Variants in EXOC3L4 observed in about 807,000 individuals in gnomAD.
EXOC3L4 encodes exocyst complex component 3 like 4, also known as exocyst complex component 3-like protein 4.
Under a neutral mutation model 69.7 loss-of-function variants are expected in EXOC3L4, and 62 were observed. The ratio of observed to expected loss-of-function variants is 0.89; its 90% confidence interval spans 0.72 to 1.10. The LOEUF is 1.10. Ranked by LOEUF, EXOC3L4 falls within the 50% of genes least tolerant of loss-of-function variation. The pLI, the probability that EXOC3L4 is intolerant of heterozygous loss-of-function variation, is 0.00. For missense variants in EXOC3L4, 1,087 were observed against 1,034.8 expected (o/e 1.05, Z -0.69); for synonymous variants, 502 against 464.2 (o/e 1.08, Z -1.05).
intron 7 of EXOC3L4, 89 bp from the exon 8 acceptor site, chr14:103,106,696 A>G: frequency 1.4e-6 from 1 of 740,210 alleles, no homozygotes; most frequent in Non-Finnish European, 2.2e-6. Context: ...TTCACATTGT[A>G]GTCTAAGTGA....
At chr14:103,099,218 C>T (rs1008481133) in intron 1 of EXOC3L4, among the ~76,000 whole-genome samples, 2 of 152,150 alleles carry the variant, frequency 1.3e-5, no homozygotes, top group African/African-American at 2.4e-5. Flanking sequence ...ACCCATGGCC[C>T]AGCTTGTGCA....
chr14:103,107,672 C>T lies in EXOC3L4; in HGVS notation c.1743C>T (p.Tyr581=). The change falls in exon 10 of 12, where the codon TAC becomes TAT. Residue 581 remains tyrosine, a synonymous_variant. Coordinates refer to ENST00000688303, the MANE Select transcript of EXOC3L4 (RefSeq NM_001077594.2). ...QEVHRFVVRE[Y]LARALRPRER... is the part of the protein sequence containing the mutation. ...TGCACCGGTTCGTGGTCCGCGAGTA[C>T]CTGGCGCGGGCGCTGAGGCCACGGG... 6.4e-7 allele frequency: 1 copy of T among 1,565,098 alleles called. No homozygotes were observed. Among genetic ancestry groups the T allele is most frequent in the Non-Finnish European group, 8.7e-7 (1 of 1,154,254 alleles).
In EXOC3L4 at chr14:103,107,157, C is replaced by T. The variant is rs111964101; in HGVS notation, c.1581+258C>T. Among the ~76,000 whole-genome samples, 6 of 152,300 alleles carry T rather than the reference C, an allele frequency of 3.9e-5. No homozygotes were observed. The East Asian group carries it at 7.7e-4, about 20-fold the overall frequency. ...GGGATGGTGGGTCCACGGATCCAGG[C>T]CCAGGGTCCTCACCCAGTCCCTCAA... On this transcript the variant is annotated intron_variant, in intron 8 of 11. Transcript: ENST00000688303.
chr14:103,094,495 C>G (rs146754013), upstream of EXOC3L4, among the ~76,000 whole-genome samples: 1 of 152,192 alleles, frequency 6.6e-6, no homozygotes, highest in Non-Finnish European at 1.5e-5. Context: ...CCTGCTGCCT[C>G]GAGACCCTGA....
Position 103,100,607 on chromosome 14 carries a change from G to C in EXOC3L4, c.388G>C (p.Glu130Gln). ...GGCAGCGTCTGAGGAACTGAAACCC[G>C]AGGCAGGTAAGGGCCTCAGAAACAA... ...TGAASEELKPEAEGKSVADLI... is the reference protein window; with the variant it reads ...TGAASEELKPQAEGKSVADLI... Residue 130 changes from glutamate (E) to glutamine (Q), a missense_variant, in exon 2 of 12, where the codon GAG (glutamate) becomes CAG (glutamine). Transcript: ENST00000688303. 1 of 1,601,924 alleles carries C rather than the reference G, an allele frequency of 6.2e-7. No homozygotes were observed.
In EXOC3L4 at chr14:103,107,870, T is replaced by G. The variant is rs1043056412; in HGVS notation, c.1854+87T>G. 7.0e-6 allele frequency: 10 copies of G among 1,430,526 alleles called. No homozygotes were observed. The Middle Eastern group carries it at 1.5e-3, about 219-fold the overall frequency. The allele number at this position is 1,430,526 out of a possible 1,614,324, so 88.6% of individuals were successfully genotyped here. On this transcript the variant is annotated intron_variant, in intron 10 of 11. Transcript: ENST00000688303. ...AGGGCCTTAGCGCCGGGAGGGCTTT[T>G]GGCAGGAGTGGTTCTCCCCACTCTG...
rs1595242454 is a variant in EXOC3L4, at chr14:103,102,570, G to A, written c.847G>A (p.Gly283Ser). Reference sequence around the variant, plus strand: ...TTTGGCCCAGCTTCTGGCCGAGCTGGGTGGCTTGGTTCGCCGCGACCTGCA... The same window carrying A: ...TTTGGCCCAGCTTCTGGCCGAGCTGAGTGGCTTGGTTCGCCGCGACCTGCA... ...SGLAQLLAEL[G>S]GLVRRDLQKV... Residue 283 changes from glycine to serine, a missense_variant, in exon 3 of 12, where the codon GGT becomes AGT. Coordinates refer to ENST00000688303, the MANE Select transcript of EXOC3L4 (RefSeq NM_001077594.2). 1 of 1,459,154 alleles carries A rather than the reference G, an allele frequency of 6.9e-7. No individual in the cohort carries two copies. The highest frequency in any genetic ancestry group is 9.0e-7 in the Non-Finnish European group (1 of 1,108,570). 90.4% of individuals were successfully genotyped at this position (1,459,154 alleles called of 1,614,324 possible).
At position 103,100,393 on chromosome 14, in the gene EXOC3L4, C is replaced by T. The variant is rs1890104461; in HGVS notation, c.174C>T (p.Ser58=). The part of the protein sequence containing the change: ...LGLGSLRQAF[S]RASQRALTQV... ...TGGGCTCCCTGAGGCAGGCCTTCTC[C>T]CGGGCCAGCCAGCGGGCTTTGACCC... Residue 58 remains serine (S), a synonymous_variant, in exon 2 of 12, where the codon TCC becomes TCT. Transcript: ENST00000688303. 1.2e-6 allele frequency: 2 copies of T among 1,610,038 alleles called. No individual in the cohort carries two copies. The highest frequency in any genetic ancestry group is 1.7e-5 in the Admixed American group (1 of 59,616).
chr14:103,108,567 A>T (rs1890716938), intron 11 of EXOC3L4, 50 bp downstream of exon 11: 2 of 1,595,152 alleles, frequency 1.3e-6, no homozygotes, highest in Non-Finnish European at 1.7e-6. Flanking sequence ...CTTCAGGGCC[A>T]AGGGGGCTGG....
intron 5 of EXOC3L4, 160 bp downstream of exon 5, chr14:103,104,549 C>G (rs537603880): frequency 7.6e-7 from 1 of 1,316,470 alleles, no homozygotes; most frequent in Non-Finnish European, 9.9e-7. Context: ...CCCGGCGCGC[C>G]GACGGGCAGG....
In EXOC3L4 at chr14:103,110,299, G is replaced by A. The variant is rs1890863879; in HGVS notation, c.*76G>A. 2.7e-6 allele frequency: 4 copies of A among 1,460,110 alleles called. No individual in the cohort carries two copies. Among genetic ancestry groups the A allele is most frequent in the African/African-American group, 1.4e-5 (1 of 71,056 alleles). The allele number at this position is 1,460,110 out of a possible 1,614,324, so 90.4% of individuals were successfully genotyped here. On this transcript the variant is annotated 3_prime_UTR_variant, in exon 12 of 12. Transcript: ENST00000688303. ...TGGGGGTCAGCCAGGAGCCCAGGGA[G>A]TCACTCTGGGCCCTGCCCCCAACTC... is the stretch of plus-strand genomic sequence containing the variant.
rs369162369 is a variant in EXOC3L4, at chr14:103,100,592, G to A, written c.373G>A (p.Glu125Lys). The change falls in exon 2 of 12, where the codon GAG (glutamate) becomes AAG (lysine). Residue 125 changes from glutamate to lysine, a missense_variant. By Grantham distance (56) the Glu-to-Lys change is moderately conservative (BLOSUM62 1). Transcript: ENST00000688303. ...SQQASTGAAS[E>K]ELKPEAEGKS... The stretch of plus-strand genomic sequence containing the variant: ...GCAGGCATCCACTGGGGCAGCGTCT[G>A]AGGAACTGAAACCCGAGGCAGGTAA... 29 of 1,604,674 alleles carry A rather than the reference G, an allele frequency of 1.8e-5. No homozygotes were observed. In the African/African-American group the frequency reaches 3.1e-4, roughly 17 times the overall value.
chr14:103,099,057 C>T (rs1890029980), intron 1 of EXOC3L4, among the ~76,000 whole-genome samples: 1 of 152,200 alleles, frequency 6.6e-6, no homozygotes. Flanking sequence ...CCCGATGTCA[C>T]CCAAGGGTTG....
chr14:103,103,797 C>CGT (rs56147384), intron 3 of EXOC3L4, 144 bp from the exon 4 acceptor site: 22,674 of 432,482 alleles, frequency 0.052, 486 homozygotes, highest in African/African-American at 0.13. Flanking sequence ...GGCGCGCGCG[C>CGT]GTGTGTGTGT....
At chr14:103,107,915 T>A in intron 10 of EXOC3L4, 132 bp downstream of exon 10, 4 of 1,204,676 alleles carry the variant, frequency 3.3e-6, no homozygotes, top group Non-Finnish European at 4.3e-6. Flanking sequence ...GAACAGGGAC[T>A]GGGGCGCCTG....
intron 7 of EXOC3L4, among the ~76,000 whole-genome samples, chr14:103,106,457 T>C (rs1890553083): frequency 6.6e-6 from 1 of 152,182 alleles, no homozygotes; most frequent in Admixed American, 6.5e-5. Context: ...AGGGACATGG[T>C]CACCTTCAGG....
chr14:103,094,517 C>T (rs1482548905), upstream of EXOC3L4, among the ~76,000 whole-genome samples: 1 of 152,216 alleles, frequency 6.6e-6, no homozygotes, highest in African/African-American at 2.4e-5. Context: ...TGCCGAGCTC[C>T]GCAGCCTTCC....
At chr14:103,109,844 C>T (rs1890820948) in intron 11 of EXOC3L4, among the ~76,000 whole-genome samples, 187 bp from the exon 12 acceptor site, 1 of 151,198 alleles carries the variant, frequency 6.6e-6, no homozygotes, top group Non-Finnish European at 1.5e-5. Context: ...TATGGTGTCC[C>T]CCAGGCCCAC....
intron 1 of EXOC3L4, chr14:103,098,793 G>A (rs1260216037): frequency 6.6e-6 from 1 of 152,230 alleles, no homozygotes; most frequent in African/African-American, 2.4e-5. Context: ...CTGAACCCTG[G>A]CGCTGGGGGA....
Sources: gnomAD v4.1 joint callset for allele counts (sites outside exome capture counted in the v4.1 genomes callset) on GRCh38, gnomAD v4.1.1 for gene constraint, MANE v1.5 for transcripts, NCBI Gene and HGNC (gene_info 2026-07-23, HGNC 2026-07-21) for gene names.